SPRED2: variants seen among roughly 807,000 people sequenced by gnomAD.
SPRED2 encodes sprouty related EVH1 domain containing 2, also known as sprouty-related, EVH1 domain-containing protein 2.
A neutral mutation model predicts 43.0 loss-of-function variants in SPRED2; 47 were observed. That is an observed-to-expected ratio of 1.09 (90% CI 0.87 to 1.40). SPRED2 has a LOEUF of 1.40. Among genes scored for constraint, SPRED2 ranks in the 40% most tolerant of loss-of-function variants. The pLI, the probability that SPRED2 is intolerant of heterozygous loss-of-function variation, is 0.00. For missense variants in SPRED2, 561 were observed against 586.4 expected, an observed-to-expected ratio of 0.96 and a Z score of 0.45; for synonymous variants, 225 against 225.7, an observed-to-expected ratio of 1.00 and a Z score of 0.03.
chr2:65,334,952 C>G (rs1277976010), intron 2 of SPRED2, among the ~76,000 whole-genome samples, 179 bp from the exon 3 acceptor site: 1 of 152,212 alleles, frequency 6.6e-6, no homozygotes, highest in Non-Finnish European at 1.5e-5. Context: ...TGCTGACCAT[C>G]CGATCTTCGC....
chr2:65,357,598 G>A (rs936265607), intron 1 of SPRED2, among the ~76,000 whole-genome samples: 10 of 152,182 alleles, frequency 6.6e-5, no homozygotes, highest in Non-Finnish European at 1.0e-4. Flanking sequence ...TGCTCTGGAG[G>A]ATAAGTTATT....
chr2:65,375,585 G>A (rs1675220713), intron 1 of SPRED2, among the ~76,000 whole-genome samples: 1 of 152,216 alleles, frequency 6.6e-6, no homozygotes, highest in South Asian at 2.1e-4. Context: ...CGAAACAGTA[G>A]GGGGAATGGA....
intron 1 of SPRED2, among the ~76,000 whole-genome samples, chr2:65,353,172 C>T (rs1237892309): frequency 1.3e-5 from 2 of 152,096 alleles, no homozygotes; most frequent in Non-Finnish European, 2.9e-5. Flanking sequence ...AATAGGTTTT[C>T]CTTCACTCTG....
chr2:65,408,615 A>T (rs1676082564), intron 1 of SPRED2, among the ~76,000 whole-genome samples: 1 of 149,734 alleles, frequency 6.7e-6, no homozygotes, highest in South Asian at 2.1e-4. Context: ...TTTGAGACGG[A>T]GTCTCACTCT....
At chr2:65,394,232 A>G (rs765121899) in intron 1 of SPRED2, among the ~76,000 whole-genome samples, 24 of 152,218 alleles carry the variant, frequency 1.6e-4, no homozygotes, top group Non-Finnish European at 2.2e-4. Flanking sequence ...CACACAGTTC[A>G]ACAACTATGC....
chr2:65,407,206 T>C (rs1265345185), intron 1 of SPRED2, among the ~76,000 whole-genome samples: 2 of 151,094 alleles, frequency 1.3e-5, no homozygotes, highest in Non-Finnish European at 2.9e-5. Flanking sequence ...GAATTACAGG[T>C]GTGAGCCATA....
intron 1 of SPRED2, among the ~76,000 whole-genome samples, chr2:65,376,783 C>T (rs545776805): frequency 1.3e-5 from 2 of 152,190 alleles, no homozygotes; most frequent in African/African-American, 2.4e-5. Flanking sequence ...GGCGCAATCT[C>T]GGCTCACTGC....
intron 1 of SPRED2, among the ~76,000 whole-genome samples, chr2:65,375,395 G>A (rs1164445482): frequency 6.6e-6 from 1 of 152,186 alleles, no homozygotes; most frequent in Non-Finnish European, 1.5e-5. Flanking sequence ...CTGTAGGGGA[G>A]ATGACAAGTC....
At chr2:65,321,583 C>T (rs575733217) in intron 4 of SPRED2, among the ~76,000 whole-genome samples, 7 of 144,742 alleles carry the variant, frequency 4.8e-5, no homozygotes, top group South Asian at 4.4e-4. Flanking sequence ...ACAACAGAAA[C>T]GAGGGGAGTA....
downstream of SPRED2, among the ~76,000 whole-genome samples, chr2:65,310,645 T>C (rs1237610458): frequency 6.6e-6 from 1 of 152,104 alleles, no homozygotes; most frequent in African/African-American, 2.4e-5. Context: ...TTCCTTTCAC[T>C]GAGGCATCCG....
At chr2:65,329,464 A>T (rs1673742882) in intron 4 of SPRED2, among the ~76,000 whole-genome samples, 1 of 152,258 alleles carries the variant, frequency 6.6e-6, no homozygotes, top group Non-Finnish European at 1.5e-5. Context: ...ACCAGGGTCT[A>T]TACAGAATAC....
chr2:65,329,032 C>A (rs1334812618), intron 4 of SPRED2, among the ~76,000 whole-genome samples: 2 of 152,130 alleles, frequency 1.3e-5, no homozygotes, highest in Non-Finnish European at 2.9e-5. Context: ...AGGACAAAAC[C>A]AACATTGTCT....
intron 5 of SPRED2, among the ~76,000 whole-genome samples, chr2:65,315,306 G>A (rs1267293688): frequency 6.6e-6 from 1 of 152,198 alleles, no homozygotes; most frequent in Non-Finnish European, 1.5e-5. Context: ...GCATAGGACT[G>A]TTTTGAGAAT....
intron 1 of SPRED2, among the ~76,000 whole-genome samples, chr2:65,356,560 T>TTTTTTTTG (rs1674658549): frequency 7.4e-6 from 1 of 135,502 alleles, no homozygotes; most frequent in Admixed American, 7.3e-5. Context: ...TTTTTTTTTG[T>TTTTTTTTG]GTGTGTGTAC....
intron 1 of SPRED2, among the ~76,000 whole-genome samples, chr2:65,426,058 G>C (rs1197962177): frequency 1.3e-5 from 2 of 152,238 alleles, no homozygotes; most frequent in African/African-American, 4.8e-5. Context: ...GAACCCTGCA[G>C]CTATTGAAAA....
In SPRED2 at chr2:65,361,758, T is replaced by C. The variant is rs542912339; in HGVS notation, c.27-16862A>G. Among the ~76,000 whole-genome samples the C allele has an allele frequency of 5.3e-5, 8 of 152,344 alleles. No homozygotes were observed. In the East Asian group the frequency reaches 1.3e-3, roughly 26 times the overall value. Reference sequence around the variant, plus strand: ...CAGGTTCCAGCCAGATTTTGCACATTGCAGTTCTCTGGCGACGTGATGAGA... The same window carrying C: ...CAGGTTCCAGCCAGATTTTGCACATCGCAGTTCTCTGGCGACGTGATGAGA... On this transcript the variant is annotated intron_variant, in intron 1 of 5. Coordinates refer to ENST00000356388, the MANE Select transcript of SPRED2 (RefSeq NM_181784.3).
At chr2:65,308,248 C>T, downstream of SPRED2, 7 of 946,178 alleles carry the variant, frequency 7.4e-6, no homozygotes, top group Non-Finnish European at 8.8e-6. Context: ...AGTGCTCTGA[C>T]CCAGGGCAAG....
At chr2:65,320,605 A>G (rs1673382601) in intron 4 of SPRED2, among the ~76,000 whole-genome samples, 1 of 152,298 alleles carries the variant, frequency 6.6e-6, no homozygotes, top group East Asian at 1.9e-4. Context: ...CTGCCTCCTG[A>G]GGGCAGAGCT....
intron 2 of SPRED2, among the ~76,000 whole-genome samples, chr2:65,336,899 G>A (rs754825409): frequency 1.5e-4 from 23 of 152,168 alleles, no homozygotes; most frequent in Non-Finnish European, 2.8e-4. Flanking sequence ...ATGAGGTCAG[G>A]AGATCGAGAC....
Sources: gnomAD v4.1 joint callset for allele counts (sites outside exome capture counted in the v4.1 genomes callset) on GRCh38, gnomAD v4.1.1 for gene constraint, MANE v1.5 for transcripts, NCBI Gene and HGNC (gene_info 2026-07-23, HGNC 2026-07-21) for gene names.